The following GIGYF2 variants were observed in gnomAD, a reference collection of about 807,000 sequenced individuals.
GIGYF2 encodes the protein GRB10-interacting GYF protein 2.
GIGYF2 carries 25 observed loss-of-function variants against 208.1 expected under a neutral mutation model. The ratio of observed to expected loss-of-function variants is 0.12; its 90% CI spans 0.09 to 0.17. GIGYF2 has a LOEUF of 0.17. GIGYF2 is among the 10% of genes least tolerant of loss of function. The probability of loss-of-function intolerance (pLI) is 1.00; values close to 1 mark genes in which losing one functional copy is unlikely to be tolerated. For missense variants in GIGYF2, 1,302 were observed against 1,579.4 expected, an observed-to-expected ratio of 0.82 and a Z score of 2.98; for synonymous variants, 534 against 543.8, an observed-to-expected ratio of 0.98 and a Z score of 0.25.
intron 5 of GIGYF2, among the ~76,000 whole-genome samples, chr2:232,756,011 G>A (rs1259807661): frequency 2.0e-5 from 3 of 152,132 alleles, no homozygotes; most frequent in African/African-American, 7.2e-5. Context: ...TTGTTGATCT[G>A]AAATGTTAAT....
At chr2:232,762,643 A>G (rs1442258183) in intron 8 of GIGYF2, among the ~76,000 whole-genome samples, 1 of 152,194 alleles carries the variant, frequency 6.6e-6, no homozygotes, top group African/African-American at 2.4e-5. Context: ...TAATTTTAAC[A>G]GTCAGCTTTG....
intron 2 of GIGYF2, among the ~76,000 whole-genome samples, chr2:232,704,256 A>G (rs2106243947): frequency 6.6e-6 from 1 of 152,302 alleles, no homozygotes; most frequent in South Asian, 2.1e-4. Flanking sequence ...TTCCTTTTCT[A>G]GCATTCTAGG....
chr2:232,783,148 C>T (rs1699777502), intron 8 of GIGYF2, among the ~76,000 whole-genome samples: 1 of 152,112 alleles, frequency 6.6e-6, no homozygotes, highest in African/African-American at 2.4e-5. Context: ...AAAAGAGAGA[C>T]AAATTTAAAA....
rs1698479253 is a variant in GIGYF2, at chr2:232,755,042, T to TTTTTTAA, written c.268-1180_268-1179insTTTTAAT. On this transcript the variant is annotated intron_variant, in intron 5 of 28. Transcript: ENST00000373563. ...GTAGAAGTTTTTTAACGATTAGATG[T>TTTTTTAA]TGACTTCTTCAAAAGAAGGTGGTAT... 2.3e-4 allele frequency among the ~76,000 whole-genome samples: 35 copies of TTTTTTAA among 152,314 alleles called. No individual in the cohort carries two copies. In the South Asian group the frequency reaches 7.3e-3, roughly 32 times the overall value.
chr2:232,724,275 C>T (rs1236066756), intron 2 of GIGYF2, among the ~76,000 whole-genome samples: 1 of 135,190 alleles, frequency 7.4e-6, no homozygotes, highest in East Asian at 2.2e-4. Context: ...CCAGGCTGGT[C>T]TTGAACACCT....
intron 28 of GIGYF2, among the ~76,000 whole-genome samples, chr2:232,855,679 T>A (rs1269928044): frequency 6.6e-6 from 1 of 152,168 alleles, no homozygotes. Flanking sequence ...GGAAGAAGTA[T>A]TCCCATTAAA....
chr2:232,713,761 G>T (rs13414498), intron 2 of GIGYF2, among the ~76,000 whole-genome samples: 3,550 of 152,198 alleles, frequency 0.023, 151 homozygotes, highest in African/African-American at 0.08. Flanking sequence ...AGAATTTGAT[G>T]TTTTTCATGA....
intron 28 of GIGYF2, among the ~76,000 whole-genome samples, chr2:232,855,080 C>CTTTTTTTTT (rs201395041): frequency 1.7e-4 from 19 of 109,184 alleles, no homozygotes; most frequent in African/African-American, 2.7e-4. Context: ...CTTTTTCTTT[C>CTTTTTTTTT]TTTTTTTTTT....
intron 20 of GIGYF2, among the ~76,000 whole-genome samples, chr2:232,817,313 A>G (rs1335641526): frequency 6.6e-6 from 1 of 152,260 alleles, no homozygotes; most frequent in Non-Finnish European, 1.5e-5. Flanking sequence ...TCTAAAAACA[A>G]TGAGAAAGTA....
At chr2:232,728,593 G>A (rs1233409701) in intron 2 of GIGYF2, among the ~76,000 whole-genome samples, 1 of 152,134 alleles carries the variant, frequency 6.6e-6, no homozygotes. Flanking sequence ...GTGATCCCAT[G>A]CCACATTGGT....
chr2:232,792,861 A>G (rs919966325), intron 12 of GIGYF2, among the ~76,000 whole-genome samples: 2 of 152,194 alleles, frequency 1.3e-5, no homozygotes, highest in South Asian at 2.1e-4. Flanking sequence ...AGATATATAT[A>G]TTCTGAGAAG....
intron 2 of GIGYF2, among the ~76,000 whole-genome samples, chr2:232,717,051 C>G (rs1696716378): frequency 6.6e-6 from 1 of 151,692 alleles, no homozygotes; most frequent in African/African-American, 2.4e-5. Flanking sequence ...TGGGCTCAAG[C>G]AATCCAGCTG....
intron 3 of GIGYF2, among the ~76,000 whole-genome samples, chr2:232,745,760 A>G (rs936751544): frequency 2.0e-5 from 3 of 152,304 alleles, no homozygotes; most frequent in African/African-American, 7.2e-5. Context: ...ATCATAAATT[A>G]CTGCAAGTAT....
rs772150110 is a variant in GIGYF2, at chr2:232,760,952, A to T, written c.491+361A>T. ...GATGAGTGGGGGCAATTGCACAAAG[A>T]TATCTGTACAAGAATGTTCACTATG... On this transcript the variant is annotated intron_variant, in intron 7 of 28. Transcript: ENST00000373563. Among the ~76,000 whole-genome samples the T allele has an allele frequency of 3.8e-4, 58 of 152,020 alleles. 1 individual carries two copies. Among genetic ancestry groups the T allele is most frequent in the Admixed American group, 3.9e-4 (6 of 15,226 alleles).
chr2:232,714,464 T>TG (rs1180932653), intron 2 of GIGYF2, among the ~76,000 whole-genome samples: 3 of 152,300 alleles, frequency 2.0e-5, no homozygotes, highest in East Asian at 3.9e-4. Context: ...ATTGCTTTTT[T>TG]GGGGGGTGCA....
chr2:232,768,386 A>T (rs1356847109), intron 8 of GIGYF2: 2 of 1,614,050 alleles, frequency 1.2e-6, no homozygotes, highest in Non-Finnish European at 1.7e-6. Context: ...CAAAACAGTG[A>T]TGTAACATGA....
intron 23 of GIGYF2, among the ~76,000 whole-genome samples, chr2:232,843,588 C>G (rs1701896077): frequency 2.2e-5 from 3 of 136,328 alleles, no homozygotes; most frequent in African/African-American, 8.2e-5. Flanking sequence ...AAAAGTAATT[C>G]TGAGGCCGGG....
intron 2 of GIGYF2, among the ~76,000 whole-genome samples, chr2:232,706,790 T>C (rs187136239): frequency 6.6e-6 from 1 of 151,206 alleles, no homozygotes; most frequent in Non-Finnish European, 1.5e-5. Context: ...AAAAAATAAA[T>C]AAATAAATAA....
At chr2:232,845,351 G>GC (rs1331581461) in intron 25 of GIGYF2, among the ~76,000 whole-genome samples, 2 of 152,146 alleles carry the variant, frequency 1.3e-5, no homozygotes, top group African/African-American at 2.4e-5. Flanking sequence ...GAGCATCTTT[G>GC]CCAGGCACTG....
Sources: gnomAD v4.1 joint callset for allele counts (sites outside exome capture counted in the v4.1 genomes callset) on GRCh38, gnomAD v4.1.1 for gene constraint, MANE v1.5 for transcripts, NCBI Gene and HGNC (gene_info 2026-07-23, HGNC 2026-07-21) for gene names.